The following PRKAR2A variants were observed in gnomAD, a reference collection of about 807,000 sequenced individuals.
PRKAR2A encodes the protein protein kinase cAMP-dependent type II regulatory subunit alpha, also known as cAMP-dependent protein kinase type II-alpha regulatory subunit.
Under a neutral mutation model 51.9 loss-of-function variants are expected in PRKAR2A, and 29 were observed. That is an observed-to-expected ratio of 0.56 (90% CI 0.42 to 0.76). PRKAR2A has a LOEUF of 0.76. Ranked by LOEUF, PRKAR2A falls within the 30% of genes least tolerant of loss-of-function variation. PRKAR2A has a pLI of 0.00. For synonymous variants in PRKAR2A, 178 were observed against 186.2 expected (o/e 0.96, Z 0.36); for missense variants, 445 against 512.1 (o/e 0.87, Z 1.26).
At chr3:48,789,899 CTTT>C (rs1235871730) in intron 4 of PRKAR2A, among the ~76,000 whole-genome samples, 3 of 151,036 alleles carry the variant, frequency 2.0e-5, no homozygotes, top group Non-Finnish European at 2.9e-5. Flanking sequence ...CTCTTCCTTT[CTTT>C]TTCTCTCCCT....
chr3:48,753,775 G>T (rs1180805249), intron 9 of PRKAR2A, among the ~76,000 whole-genome samples: 2 of 152,132 alleles, frequency 1.3e-5, no homozygotes, highest in Non-Finnish European at 2.9e-5. Flanking sequence ...TGCTGCTGCT[G>T]ATCTTATGCA....
intron 1 of PRKAR2A, among the ~76,000 whole-genome samples, chr3:48,808,377 C>G (rs2082712908): frequency 6.6e-6 from 1 of 152,224 alleles, no homozygotes; most frequent in South Asian, 2.1e-4. Flanking sequence ...CCTCAGCCTC[C>G]CCAGTAGCTG....
intron 6 of PRKAR2A, among the ~76,000 whole-genome samples, chr3:48,768,836 C>T (rs953698233): frequency 4.6e-5 from 7 of 152,040 alleles, no homozygotes; most frequent in Non-Finnish European, 8.8e-5. Context: ...GCATGGCTCA[C>T]GCCTGTAATC....
At chr3:48,776,734 G>T (rs951119805) in intron 5 of PRKAR2A, among the ~76,000 whole-genome samples, 1 of 152,054 alleles carries the variant, frequency 6.6e-6, no homozygotes, top group Admixed American at 6.6e-5. Flanking sequence ...CCAGCTACTC[G>T]GGAGGCTGAG....
intron 5 of PRKAR2A, among the ~76,000 whole-genome samples, chr3:48,773,650 A>G (rs1013817606): frequency 2.6e-5 from 4 of 151,262 alleles, no homozygotes; most frequent in African/African-American, 9.7e-5. Context: ...AATTTTCTAC[A>G]TAGAGGATCA....
chr3:48,765,224 A>G (rs1394938252), intron 7 of PRKAR2A, 24 bp downstream of exon 7: 1 of 1,579,948 alleles, frequency 6.3e-7, no homozygotes, highest in African/African-American at 1.4e-5. Flanking sequence ...CCCCATGAAC[A>G]GATTCTTATT....
Position 48,847,439 on chromosome 3 carries a change from G to A in PRKAR2A, c.158C>T (p.Ala53Val), listed in dbSNP as rs997168850. Residue 53 changes from alanine (A) to valine (V), a missense_variant, in exon 1 of 11, where the codon GCC becomes GTC. Ala to Val is a moderately conservative substitution (Grantham distance 64). Transcript: ENST00000265563. This position sits in a 1 kb window ranked among gnomAD's most constrained non-coding sequence, Gnocchi z 4.4. ...GTGGCCCAGGCTCTGGCGTGGGGTG[G>A]CGGCGGGCAGGACTGAGGCTGGGGC... ...ARAPASVLPA[A>V]TPRQSLGHPP... 1.1e-5 allele frequency: 18 copies of A among 1,581,180 alleles called. No homozygotes were observed. The highest frequency in any genetic ancestry group is 1.4e-5 in the Non-Finnish European group (16 of 1,163,566).
At chr3:48,794,315 C>T (rs1272218874) in intron 2 of PRKAR2A, among the ~76,000 whole-genome samples, 1 of 151,704 alleles carries the variant, frequency 6.6e-6, no homozygotes, top group African/African-American at 2.4e-5. Flanking sequence ...CCATGCCTGG[C>T]TAATTTTGTA....
chr3:48,787,291 T>A (rs1270908486), intron 4 of PRKAR2A, among the ~76,000 whole-genome samples: 1 of 152,228 alleles, frequency 6.6e-6, no homozygotes, highest in African/African-American at 2.4e-5. Context: ...GTTCAAGCGA[T>A]TCTTCTGCCT....
chr3:48,822,632 T>C (rs1376080416), intron 1 of PRKAR2A, among the ~76,000 whole-genome samples: 1 of 151,726 alleles, frequency 6.6e-6, no homozygotes, highest in Non-Finnish European at 1.5e-5. Context: ...AGTAATCAAA[T>C]GAAAATAACA....
chr3:48,802,406 G>C (rs930238199), intron 2 of PRKAR2A, among the ~76,000 whole-genome samples: 2 of 151,774 alleles, frequency 1.3e-5, no homozygotes, highest in Non-Finnish European at 2.9e-5. Context: ...ATTTTGGTGA[G>C]ATACAGAAGC....
chr3:48,802,635 G>T (rs1278794575), intron 2 of PRKAR2A, among the ~76,000 whole-genome samples: 1 of 151,360 alleles, frequency 6.6e-6, no homozygotes, highest in African/African-American at 2.4e-5. Context: ...CCTGGGAGGT[G>T]GAAGTCGCAG....
chr3:48,756,546 T>A (rs1048089262), intron 8 of PRKAR2A, 102 bp from the exon 9 acceptor site: 14 of 864,266 alleles, frequency 1.6e-5, no homozygotes, highest in Non-Finnish European at 2.6e-5. Context: ...TGTATTTATT[T>A]TTTAACTCTG....
chr3:48,815,713 A>G (rs1313557635), intron 1 of PRKAR2A, among the ~76,000 whole-genome samples: 6 of 147,242 alleles, frequency 4.1e-5, no homozygotes, highest in Non-Finnish European at 9.0e-5. Context: ...AAAAAAAAGA[A>G]GAAGAAAGAA....
chr3:48,805,173 A>C (rs974941897), intron 2 of PRKAR2A, among the ~76,000 whole-genome samples: 2 of 152,226 alleles, frequency 1.3e-5, no homozygotes, highest in African/African-American at 4.8e-5. Flanking sequence ...TCAGTCTCCC[A>C]AAGTGCTGGG....
rs9714170 is a variant in PRKAR2A at position 48,846,037 on chromosome 3, G to A, written c.262+1298C>T. 7.8e-3 allele frequency among the ~76,000 whole-genome samples: 1,188 copies of A among 151,844 alleles called. 11 individuals are homozygous for A. Among genetic ancestry groups the A allele is most frequent in the African/African-American group, 0.027 (1,131 of 41,414 alleles). On this transcript the variant is annotated intron_variant, in intron 1 of 10. Coordinates refer to ENST00000265563, the MANE Select transcript of PRKAR2A (RefSeq NM_004157.4). ...TTGTTTCCTGCTCGGTCCTTATTGC[G>A]TACTCTTGGAGTTTATTGCAAACTC...
chr3:48,833,007 A>T (rs1165771415), intron 1 of PRKAR2A, among the ~76,000 whole-genome samples: 1 of 152,164 alleles, frequency 6.6e-6, no homozygotes. Context: ...CCCCAAGTGC[A>T]TTTGATCCTT....
At chr3:48,769,157 C>CTATTTTT in intron 6 of PRKAR2A, among the ~76,000 whole-genome samples, 1 of 136,312 alleles carries the variant, frequency 7.3e-6, no homozygotes, top group Admixed American at 7.5e-5. Context: ...AAATATCTTT[C>CTATTTTT]TTTTTTTTTT....
intron 1 of PRKAR2A, among the ~76,000 whole-genome samples, chr3:48,846,496 C>T (rs1224710645): frequency 2.0e-5 from 3 of 152,132 alleles, no homozygotes; most frequent in Admixed American, 6.5e-5. Flanking sequence ...GGACTACAGG[C>T]GTGACCCACC....
Sources: gnomAD v4.1 joint callset for allele counts (sites outside exome capture counted in the v4.1 genomes callset) on GRCh38, gnomAD v4.1.1 for gene constraint, Gnocchi (gnomAD v3.1) non-coding constraint, MANE v1.5 for transcripts, NCBI Gene and HGNC (gene_info 2026-07-23, HGNC 2026-07-21) for gene names.